Variants in SLC5A1 observed in about 807,000 individuals in gnomAD.
SLC5A1 encodes the protein solute carrier family 5 member 1.
A neutral mutation model predicts 73.5 loss-of-function variants in SLC5A1; 42 were observed. The ratio of observed to expected loss-of-function variants is 0.57; its 90% CI spans 0.45 to 0.74. The LOEUF (loss-of-function observed/expected upper bound fraction) is 0.74. Ranked by LOEUF, SLC5A1 falls within the 30% of genes least tolerant of loss-of-function variation. The pLI is 0.00. For missense variants in SLC5A1, 634 were observed against 855.4 expected (o/e 0.74, Z 3.23); for synonymous variants, 300 against 317.4 (o/e 0.95, Z 0.58).
At chr22:32,046,872 G>C (rs566303275) in intron 1 of SLC5A1, among the ~76,000 whole-genome samples, 50 of 152,324 alleles carry the variant, frequency 3.3e-4, no homozygotes, top group African/African-American at 1.2e-3. Flanking sequence ...AGAGTGGACA[G>C]GTGAATGTAA....
At chr22:32,100,340 A>T (rs2094034178) in intron 12 of SLC5A1, among the ~76,000 whole-genome samples, 1 of 152,148 alleles carries the variant, frequency 6.6e-6, no homozygotes, top group Non-Finnish European at 1.5e-5. Context: ...CTCTTGCCTA[A>T]CTGCGCTGTC....
At chr22:32,096,745 G>A (rs1305841923) in intron 11 of SLC5A1, among the ~76,000 whole-genome samples, 1 of 152,126 alleles carries the variant, frequency 6.6e-6, no homozygotes, top group East Asian at 1.9e-4. Flanking sequence ...TTTTCTATGG[G>A]GCTAATGCAG....
Position 32,043,652 on chromosome 22 carries a change from T to C in SLC5A1, c.135+236T>C, listed in dbSNP as rs2093933252. ...GCCAGGAAGGACCAAGGAGGATACCTGAGCCTGTGAGCAGAGAAGGAAGGT... is the reference window on the plus strand; with the variant it reads ...GCCAGGAAGGACCAAGGAGGATACCCGAGCCTGTGAGCAGAGAAGGAAGGT... On this transcript the variant is annotated intron_variant, in intron 1 of 14. Transcript: ENST00000266088. This position sits in a 1 kb window ranked among gnomAD's most constrained non-coding sequence, Gnocchi z 6.5. 6.6e-6 allele frequency among the ~76,000 whole-genome samples: 1 copy of C among 152,046 alleles called. No homozygotes were observed. The highest frequency in any genetic ancestry group is 2.4e-5 in the African/African-American group (1 of 41,392).
rs149426675 is a variant in SLC5A1, at chr22:32,078,530, A to C, written c.478-3336A>C. Among the ~76,000 whole-genome samples the C allele has an allele frequency of 6.4e-3, 980 of 152,228 alleles. 10 individuals carry two copies. The highest frequency in any genetic ancestry group is 0.022 in the African/African-American group (928 of 41,532). On this transcript the variant is annotated intron_variant, in intron 5 of 14. Transcript: ENST00000266088. ...AGTGATCTGCTTGCCTCAGCCTCCC[A>C]AAGTGCTGGGATTACAGGCATAAGC... is the stretch of plus-strand genomic sequence containing the variant.
chr22:32,091,898 A>G, intron 11 of SLC5A1, 136 bp downstream of exon 11: 1 of 730,190 alleles, frequency 1.4e-6, no homozygotes, highest in Non-Finnish European at 2.4e-6. Flanking sequence ...TATATGTGCC[A>G]TTTGGTGGCA....
chr22:32,045,649 T>G (rs538765017), intron 1 of SLC5A1, among the ~76,000 whole-genome samples: 3 of 152,246 alleles, frequency 2.0e-5, no homozygotes, highest in Non-Finnish European at 4.4e-5. Flanking sequence ...TTGGTTCTGT[T>G]TTGCTCTTTT....
intron 12 of SLC5A1, among the ~76,000 whole-genome samples, chr22:32,101,276 T>C (rs532354267): frequency 6.6e-6 from 1 of 152,114 alleles, no homozygotes; most frequent in South Asian, 2.1e-4. Context: ...CCTAGTCCTT[T>C]AGGTGAGGAC....
At chr22:32,096,210 C>T (rs2094026027) in intron 11 of SLC5A1, among the ~76,000 whole-genome samples, 1 of 152,206 alleles carries the variant, frequency 6.6e-6, no homozygotes, top group African/African-American at 2.4e-5. Context: ...CTAGATCCTA[C>T]AGTGGCGTTT....
chr22:32,043,327 C>A lies in SLC5A1; in HGVS notation c.46C>A (p.Pro16Thr). 6.2e-7 allele frequency: 1 copy of A among 1,614,196 alleles called. No homozygotes were observed. Among genetic ancestry groups the A allele is most frequent in the South Asian group, 1.1e-5 (1 of 91,084 alleles). The change falls in exon 1 of 15, where the codon CCT (proline) becomes ACT (threonine). Residue 16 changes from proline (P) to threonine (T), a missense_variant. By Grantham distance (38) the Pro-to-Thr change is conservative. Coordinates refer to ENST00000266088, the MANE Select transcript of SLC5A1 (RefSeq NM_000343.4). This position sits in a 1 kb window ranked among gnomAD's most constrained non-coding sequence, Gnocchi z 6.5. The stretch of plus-strand genomic sequence containing the variant: ...CCCCAAGACCACCGCGGTCACCCGG[C>A]CTGTTGAGACCCACGAGCTCATTCG... ...WSPKTTAVTR[P>T]VETHELIRNA... is the part of the protein sequence containing the mutation.
At chr22:32,044,506 A>AAAGGAAGT (rs2093934489) in intron 1 of SLC5A1, among the ~76,000 whole-genome samples, 1 of 151,022 alleles carries the variant, frequency 6.6e-6, no homozygotes, top group South Asian at 2.1e-4. Flanking sequence ...TTCAGGGACA[A>AAAGGAAGT]AAGGAAGTGT....
chr22:32,075,697 G>T (rs1428147651), intron 5 of SLC5A1, among the ~76,000 whole-genome samples: 1 of 152,100 alleles, frequency 6.6e-6, no homozygotes, highest in Admixed American at 6.6e-5. Context: ...AGAGGACTAT[G>T]GGGAGAGAAC....
At chr22:32,098,947 G>A (rs897984236) in intron 11 of SLC5A1, among the ~76,000 whole-genome samples, 6 of 151,392 alleles carry the variant, frequency 4.0e-5, no homozygotes, top group Admixed American at 6.6e-5. Context: ...TTAGCCGGGC[G>A]TGGTGGCGGG....
chr22:32,052,524 G>A (rs1727222022), intron 2 of SLC5A1, among the ~76,000 whole-genome samples: 1 of 152,118 alleles, frequency 6.6e-6, no homozygotes, highest in South Asian at 2.1e-4. Context: ...ACATGAGAGA[G>A]GCAGGGATGC....
chr22:32,060,104 TAC>T (rs770277032), intron 2 of SLC5A1, among the ~76,000 whole-genome samples: 9 of 145,042 alleles, frequency 6.2e-5, no homozygotes, highest in African/African-American at 1.1e-4. Flanking sequence ...CACATATATA[TAC>T]ACACACATAT....
intron 2 of SLC5A1, among the ~76,000 whole-genome samples, chr22:32,051,551 A>T (rs1477819891): frequency 2.0e-5 from 3 of 152,034 alleles, no homozygotes; most frequent in Non-Finnish European, 2.9e-5. Context: ...AGCTACTTGG[A>T]AGGCTGAGGT....
chr22:32,063,124 C>T (rs954406625), intron 2 of SLC5A1, among the ~76,000 whole-genome samples: 6 of 152,108 alleles, frequency 3.9e-5, no homozygotes, highest in Non-Finnish European at 8.8e-5. Flanking sequence ...GATTGGGGCC[C>T]CACCCTTATG....
intron 2 of SLC5A1, among the ~76,000 whole-genome samples, chr22:32,060,931 G>GAAAAC (rs1380493912): frequency 1.3e-5 from 2 of 152,104 alleles, no homozygotes; most frequent in Non-Finnish European, 2.9e-5. Flanking sequence ...AAAGAGTGAT[G>GAAAAC]AAAACAAATT....
chr22:32,105,542 G>A (rs1031557730), intron 14 of SLC5A1, among the ~76,000 whole-genome samples: 7 of 152,050 alleles, frequency 4.6e-5, no homozygotes, highest in African/African-American at 9.7e-5. Flanking sequence ...TGATCTGCCC[G>A]CCTTGGCCTC....
chr22:32,091,968 T>C (rs2094018624), intron 11 of SLC5A1, among the ~76,000 whole-genome samples: 1 of 151,972 alleles, frequency 6.6e-6, no homozygotes, highest in South Asian at 2.1e-4. Context: ...TTTCCATTCA[T>C]GTTTGGGAAA....
Sources: gnomAD v4.1 joint callset for allele counts (sites outside exome capture counted in the v4.1 genomes callset) on GRCh38, gnomAD v4.1.1 for gene constraint, Gnocchi (gnomAD v3.1) non-coding constraint, MANE v1.5 for transcripts, NCBI Gene and HGNC (gene_info 2026-07-23, HGNC 2026-07-21) for gene names.